SEC23B: variants seen among roughly 807,000 people sequenced by gnomAD.
The protein encoded by SEC23B is SEC23 homolog B, COPII component.
Under a neutral mutation model 104.3 loss-of-function variants are expected in SEC23B, and 77 were observed. That is an observed-to-expected ratio of 0.74 (90% confidence interval 0.61 to 0.89). SEC23B has a LOEUF of 0.89. SEC23B is among the 40% of genes least tolerant of loss of function. SEC23B has a pLI of 0.00. For missense variants in SEC23B, 885 were observed against 949.4 expected, an observed-to-expected ratio of 0.93 and a Z score of 0.89; for synonymous variants, 338 against 332.5, an observed-to-expected ratio of 1.02 and a Z score of -0.18.
In SEC23B at chr20:18,525,972, T is replaced by C. The variant is rs911115; in HGVS notation, c.834+40T>C. 0.98 allele frequency: 1,572,754 copies of C among 1,605,524 alleles called. 772,878 individuals are homozygous for C. Among genetic ancestry groups the C allele is most frequent in the Non-Finnish European group, 1 (1,167,622 of 1,172,286 alleles). ...ACCAGGACCTCTCAAATCATACAAA[T>C]GTGCTCTCAGAAAATATATTTGTTG... On this transcript the variant is annotated intron_variant, in intron 7 of 19. Transcript: ENST00000650089.
rs1021778816 is a variant in SEC23B, at chr20:18,532,543, G to T, written c.1234-121G>T. The T allele has an allele frequency of 5.0e-6, 4 of 796,378 alleles. No homozygotes were observed. The African/African-American group carries it at 6.7e-5, about 13-fold the overall frequency. 49.3% of individuals were successfully genotyped at this position (796,378 alleles called of 1,614,324 possible). A position where few individuals can be genotyped will look rare whatever the true frequency, so the allele number is the denominator to read the frequency against. On this transcript the variant is annotated intron_variant, in intron 10 of 19. Transcript: ENST00000650089. ...GGACTAAGCAGTTATGATCCCTGTG[G>T]AGTTTTCTCTTGGCAGAATAGTAGT...
rs146917730 is a variant in SEC23B at position 18,525,868 on chromosome 20, C to T, written c.770C>T (p.Thr257Ile). 22,146 of 1,614,154 alleles carry T rather than the reference C, an allele frequency of 0.014. 185 individuals are homozygous for T. Among genetic ancestry groups the T allele is most frequent in the Non-Finnish European group, 0.016 (18,339 of 1,180,006 alleles). Residue 257 changes from threonine to isoleucine, a missense_variant, in exon 7 of 20, where the codon ACT becomes ATT. By Grantham distance (89) the Thr-to-Ile change is moderately conservative. Coordinates refer to ENST00000650089, the MANE Select transcript of SEC23B (RefSeq NM_006363.6). Reference protein sequence around the residue: ...GELQRDPWPVTQGKRPLRSTG... With the variant: ...GELQRDPWPVIQGKRPLRSTG... ...CTACAGAGGGACCCATGGCCAGTAA[C>T]TCAGGGGAAGAGACCTTTGCGATCC...
intron 19 of SEC23B, among the ~76,000 whole-genome samples, chr20:18,560,096 T>G (rs1219326423): frequency 6.7e-6 from 1 of 150,034 alleles, no homozygotes; most frequent in Admixed American, 6.7e-5. Flanking sequence ...AAGTGTATTA[T>G]TGTGTGTGTG....
chr20:18,549,396 T>C (rs1197269616), intron 16 of SEC23B, among the ~76,000 whole-genome samples: 1 of 152,158 alleles, frequency 6.6e-6, no homozygotes, highest in Admixed American at 6.5e-5. Flanking sequence ...TCATACTGTA[T>C]GGTTTAGGGA....
In SEC23B at chr20:18,551,089, C is replaced by A. The variant is rs1281756256; in HGVS notation, c.1906C>A (p.Pro636Thr). The A allele has an allele frequency of 6.3e-7, 1 of 1,598,050 alleles. No homozygotes were observed. Among genetic ancestry groups the A allele is most frequent in the Non-Finnish European group, 8.5e-7 (1 of 1,170,828 alleles). Residue 636 changes from proline to threonine, a missense_variant and splice_region_variant, in exon 17 of 20, where the codon CCA (proline) becomes ACA (threonine). By Grantham distance (38) the Pro-to-Thr change is conservative. Transcript: ENST00000650089. The part of the protein sequence containing the change: ...YSYSFHGPPE[P>T]VLLDSSSILA... ...CATCTTTCTCTCTCTTTTTCTTCAG[C>A]CAGTACTCTTGGATAGCAGCAGCAT...
Position 18,535,646 on chromosome 20 carries a change from C to T in SEC23B, c.1315-7C>T, listed in dbSNP as rs2060222634. On this transcript the variant is annotated splice_region_variant and splice_polypyrimidine_tract_variant and intron_variant, in intron 11 of 19. Coordinates refer to ENST00000650089, the MANE Select transcript of SEC23B (RefSeq NM_006363.6). ...TTTGTTTTTCAAATTCCTCTTCCCA[C>T]CCCCAGGAGCTTGGTGTTGGTGGCA... 2.5e-6 allele frequency: 4 copies of T among 1,613,120 alleles called. No individual in the cohort carries two copies. In the African/African-American group the frequency reaches 4.0e-5, roughly 16 times the overall value.
chr20:18,522,642 A>G (rs750128567), intron 4 of SEC23B, among the ~76,000 whole-genome samples: 1 of 152,188 alleles, frequency 6.6e-6, no homozygotes, highest in Non-Finnish European at 1.5e-5. Context: ...CTTCGGCACC[A>G]AATATCTCAC....
chr20:18,519,311 C>T lies in SEC23B; in HGVS notation c.366+3575C>T, dbSNP rs960959992. Among the ~76,000 whole-genome samples, 72 of 152,026 alleles carry T rather than the reference C, an allele frequency of 4.7e-4. 1 individual carries two copies. ...GGAACAATGGTAACTGTGGGAGACTCAACAAAGAGTGAGTACAGCTGAAGG... is the reference window on the plus strand; with the variant it reads ...GGAACAATGGTAACTGTGGGAGACTTAACAAAGAGTGAGTACAGCTGAAGG... On this transcript the variant is annotated intron_variant, in intron 4 of 19. Coordinates refer to ENST00000650089, the MANE Select transcript of SEC23B (RefSeq NM_006363.6).
At chr20:18,540,326 G>A (rs1313544525) in intron 12 of SEC23B, among the ~76,000 whole-genome samples, 1 of 152,200 alleles carries the variant, frequency 6.6e-6, no homozygotes, top group Non-Finnish European at 1.5e-5. Flanking sequence ...CTCCGTCAGA[G>A]CTCTTGAGTG....
At chr20:18,544,819 A>G (rs543603554) in intron 14 of SEC23B, among the ~76,000 whole-genome samples, 1 of 152,304 alleles carries the variant, frequency 6.6e-6, no homozygotes, top group East Asian at 1.9e-4. Context: ...AGGAAGCAGA[A>G]GGTTTGAAAT....
At chr20:18,541,875 C>T (rs1011546056) in intron 12 of SEC23B, among the ~76,000 whole-genome samples, 2 of 152,146 alleles carry the variant, frequency 1.3e-5, no homozygotes, top group Admixed American at 6.5e-5. Flanking sequence ...ACGATTGCCA[C>T]AAATCTTCAA....
chr20:18,530,358 T>G (rs1477103240), intron 9 of SEC23B, among the ~76,000 whole-genome samples: 1 of 152,098 alleles, frequency 6.6e-6, no homozygotes, highest in Admixed American at 6.5e-5. Context: ...TTCAAGTGAT[T>G]CTCCTGCCTC....
chr20:18,548,800 G>C (rs1281935895), intron 16 of SEC23B, 30 bp downstream of exon 16: 43 of 1,607,318 alleles, frequency 2.7e-5, no homozygotes, highest in Non-Finnish European at 3.6e-5. Flanking sequence ...CTTTCCTGAG[G>C]ATTGGAATCA....
chr20:18,549,776 T>G (rs575073557), intron 16 of SEC23B, among the ~76,000 whole-genome samples: 2 of 151,752 alleles, frequency 1.3e-5, no homozygotes, highest in Non-Finnish European at 2.9e-5. Flanking sequence ...ACATCAGGAG[T>G]TTGAGACCAG....
In SEC23B at chr20:18,527,676, T is replaced by G. The variant is rs1600245114; in HGVS notation, c.1109+65T>G. On this transcript the variant is annotated intron_variant, in intron 9 of 19. Coordinates refer to ENST00000650089, the MANE Select transcript of SEC23B (RefSeq NM_006363.6). Reference sequence around the variant, plus strand: ...ATTTTAAGGAAAGAGAAATTAGTGATGGAGCCATAGGAATGGGCAAGGCCA... The same window carrying G: ...ATTTTAAGGAAAGAGAAATTAGTGAGGGAGCCATAGGAATGGGCAAGGCCA... 3.7e-6 allele frequency: 4 copies of G among 1,083,284 alleles called. No individual in the cohort carries two copies. The highest frequency in any genetic ancestry group is 1.4e-6 in the Non-Finnish European group (1 of 695,404). 67.1% of individuals were successfully genotyped at this position (1,083,284 alleles called of 1,614,324 possible).
Position 18,548,692 on chromosome 20 carries a change from T to A in SEC23B, c.1827T>A (p.Phe609Leu). 2 of 1,614,224 alleles carry A rather than the reference T, an allele frequency of 1.2e-6. No homozygotes were observed. Among genetic ancestry groups the A allele is most frequent in the Non-Finnish European group, 1.7e-6 (2 of 1,180,020 alleles). ...PDESSYYRHH[F>L]ARQDLTQSLI... The stretch of plus-strand genomic sequence containing the variant: ...AGTCGTCATATTACAGACATCATTT[T>A]GCCCGGCAGGACCTGACCCAGTCCC... Residue 609 changes from phenylalanine (F) to leucine (L), a missense_variant, in exon 16 of 20, where the codon TTT becomes TTA. Physicochemically the swap from Phe to Leu is conservative, Grantham distance 22. Transcript: ENST00000650089.
chr20:18,523,022 G>A (rs548565568), intron 4 of SEC23B, among the ~76,000 whole-genome samples: 7 of 151,776 alleles, frequency 4.6e-5, no homozygotes, highest in South Asian at 2.1e-4. Context: ...AGCCGAGATC[G>A]CGCCACTGCA....
intron 12 of SEC23B, among the ~76,000 whole-genome samples, chr20:18,538,006 C>T (rs995589432): frequency 6.6e-5 from 10 of 151,980 alleles, no homozygotes; most frequent in African/African-American, 1.2e-4. Flanking sequence ...CACCCAGGCA[C>T]GGTCTTGGCT....
At chr20:18,555,537 C>G (rs1042574451) in intron 19 of SEC23B, among the ~76,000 whole-genome samples, 9 of 152,114 alleles carry the variant, frequency 5.9e-5, no homozygotes, top group African/African-American at 2.2e-4. Flanking sequence ...TTGCCGCCTC[C>G]TCACTTTCCA....
Sources: allele counts gnomAD v4.1 joint callset (sites outside exome capture counted in the v4.1 genomes callset), GRCh38; gene constraint gnomAD v4.1.1; transcripts MANE v1.5; gene names NCBI Gene and HGNC (gene_info 2026-07-23, HGNC 2026-07-21).